PIWIL2: variants seen among roughly 807,000 people sequenced by gnomAD.
The protein encoded by PIWIL2 is piwi-like protein 2.
Under a neutral mutation model 116.5 loss-of-function variants are expected in PIWIL2, and 81 were observed. The observed-to-expected ratio is 0.70, with a 90% CI of 0.58 to 0.84. The LOEUF is 0.84. Among genes scored for constraint, PIWIL2 ranks in the 40% least tolerant of loss-of-function variants. The probability of loss-of-function intolerance (pLI) is 0.00; values close to 1 mark genes in which losing one functional copy is unlikely to be tolerated. For synonymous variants in PIWIL2, 489 were observed against 429.5 expected (o/e 1.14, Z -1.71); for missense variants, 1,272 against 1,212.3 (o/e 1.05, Z -0.73).
Position 22,315,138 on chromosome 8 carries a change from T to G in PIWIL2, c.2201T>G (p.Ile734Ser). Residue 734 changes from isoleucine (I) to serine (S), a missense_variant, in exon 18 of 23, where the codon ATT (isoleucine) becomes AGT (serine). Ile to Ser is a moderately radical substitution (Grantham distance 142). Coordinates refer to ENST00000356766, the MANE Select transcript of PIWIL2 (RefSeq NM_018068.5). Reference sequence around the variant, plus strand: ...GGTGGTGAGCTCTGGGGAGTGGATATTCCTCTGGTGAGTGATGCCGAGATG... The same window carrying G: ...GGTGGTGAGCTCTGGGGAGTGGATAGTCCTCTGGTGAGTGATGCCGAGATG... ...KLGGELWGVD[I>S]PLKQLMVIGM... is the part of the protein sequence containing the mutation. The G allele has an allele frequency of 6.5e-7, 1 of 1,539,614 alleles. No homozygotes were observed. The highest frequency in any genetic ancestry group is 9.0e-7 in the Non-Finnish European group (1 of 1,112,056).
At chr8:22,300,652 C>T (rs990276955) in intron 10 of PIWIL2, among the ~76,000 whole-genome samples, 20 of 152,204 alleles carry the variant, frequency 1.3e-4, no homozygotes, top group African/African-American at 4.8e-4. Context: ...TCCACATTCT[C>T]ACGAATACTT....
chr8:22,315,292 A>C, intron 18 of PIWIL2, 147 bp downstream of exon 18: 1 of 575,640 alleles, frequency 1.7e-6, no homozygotes, highest in Non-Finnish European at 3.2e-6. Context: ...ATTATCTAAG[A>C]ATGGGTTTTA....
chr8:22,356,831 T>C lies in PIWIL2; in HGVS notation c.*1326T>C, dbSNP rs1474651232. ...TCACATACCATGGGTTTCAGTGTTT[T>C]TGGAAACCCGTTTTTTTCTGGTTTT... is the stretch of plus-strand genomic sequence containing the variant. On this transcript the variant is annotated 3_prime_UTR_variant, in exon 23 of 23. Coordinates refer to ENST00000356766, the MANE Select transcript of PIWIL2 (RefSeq NM_018068.5). 1 of 152,186 alleles carries C rather than the reference T, an allele frequency of 6.6e-6. No homozygotes were observed. Among genetic ancestry groups the C allele is most frequent in the Non-Finnish European group, 1.5e-5 (1 of 68,042 alleles). 9.4% of individuals were successfully genotyped at this position (152,186 alleles called of 1,614,324 possible).
intron 10 of PIWIL2, among the ~76,000 whole-genome samples, chr8:22,298,398 G>A (rs1170245108): frequency 1.3e-5 from 2 of 152,294 alleles, no homozygotes; most frequent in African/African-American, 2.4e-5. Context: ...TCTATTTTAC[G>A]TAAGGAAGTA....
chr8:22,314,112 A>G (rs1831396350), intron 16 of PIWIL2, among the ~76,000 whole-genome samples: 1 of 152,198 alleles, frequency 6.6e-6, no homozygotes, highest in South Asian at 2.1e-4. Context: ...TAATAGTAAC[A>G]TATTACCTAT....
chr8:22,295,073 C>T (rs1261497173), intron 10 of PIWIL2, among the ~76,000 whole-genome samples: 5 of 151,572 alleles, frequency 3.3e-5, no homozygotes, highest in Non-Finnish European at 5.9e-5. Flanking sequence ...AGCGAGACTT[C>T]GTCTGGGGGA....
chr8:22,312,078 A>G (rs1333538517), intron 16 of PIWIL2, among the ~76,000 whole-genome samples: 1 of 151,876 alleles, frequency 6.6e-6, no homozygotes, highest in Admixed American at 6.6e-5. Context: ...AGCCTGGGCA[A>G]CCTGGCAAAA....
At position 22,287,578 on chromosome 8, in the gene PIWIL2, A is replaced by C. The variant is rs747039671; in HGVS notation, c.794A>C (p.Gln265Pro). ...SMRFGMLKDH[Q>P]AVTGNVTAFD... ...AGGTTCGGCATGTTGAAGGACCATC[A>C]AGCTGTCACCGGCAACGTCACTGCG... The change falls in exon 7 of 23, where the codon CAA (glutamine) becomes CCA (proline). Residue 265 changes from glutamine (Q) to proline (P), a missense_variant. Coordinates refer to ENST00000356766, the MANE Select transcript of PIWIL2 (RefSeq NM_018068.5). 1.9e-6 allele frequency: 3 copies of C among 1,614,024 alleles called. No individual in the cohort carries two copies. Among genetic ancestry groups the C allele is most frequent in the Non-Finnish European group, 2.5e-6 (3 of 1,179,868 alleles).
At chr8:22,351,440 C>CATTATATATAT (rs1554507096) in intron 20 of PIWIL2, among the ~76,000 whole-genome samples, 1 of 52,932 alleles carries the variant, frequency 1.9e-5, no homozygotes, top group Non-Finnish European at 3.9e-5. Context: ...TGCATACATA[C>CATTATATATAT]ATATATATAT....
intron 19 of PIWIL2, among the ~76,000 whole-genome samples, chr8:22,317,414 A>G (rs1831487197): frequency 6.6e-6 from 1 of 152,268 alleles, no homozygotes; most frequent in East Asian, 1.9e-4. Flanking sequence ...ACATATATAT[A>G]TTTGTACAAA....
In PIWIL2 at chr8:22,316,328, C is replaced by T; in HGVS notation, c.2292C>T (p.Ile764=). 1.3e-6 allele frequency: 2 copies of T among 1,598,750 alleles called. No homozygotes were observed. Among genetic ancestry groups the T allele is most frequent in the Non-Finnish European group, 1.7e-6 (2 of 1,166,036 alleles). ...CCGTGGTTGGCTTCGTGGCAAGCAT[C>T]AATCTGTAAGTACTGCTCACAGTGC... is the stretch of plus-strand genomic sequence containing the variant. ...MRSVVGFVAS[I]NLTLTKWYSR... The change falls in exon 19 of 23, where the codon ATC becomes ATT. Residue 764 remains isoleucine (I), a synonymous_variant. Transcript: ENST00000356766.
chr8:22,280,357 A>T lies in PIWIL2; in HGVS notation c.199-763A>T, dbSNP rs551677749. 2.6e-5 allele frequency among the ~76,000 whole-genome samples: 4 copies of T among 152,340 alleles called. No individual in the cohort carries two copies. In the East Asian group the frequency reaches 7.7e-4, roughly 29 times the overall value. On this transcript the variant is annotated intron_variant, in intron 2 of 22. Coordinates refer to ENST00000356766, the MANE Select transcript of PIWIL2 (RefSeq NM_018068.5). ...TTCAGTTATTGCTGCTGCTGTGTGA[A>T]CACTTAACGTGTATATGTTCTTAAA...
chr8:22,279,378 A>T lies in PIWIL2; in HGVS notation c.-9A>T. On this transcript the variant is annotated 5_prime_UTR_variant, in exon 2 of 23. Coordinates refer to ENST00000356766, the MANE Select transcript of PIWIL2 (RefSeq NM_018068.5). ...AACAGGATCGACACGTGTTCTCTACAGCCCGTCCATGGATCCTTTCCGACC... is the reference window on the plus strand; with the variant it reads ...AACAGGATCGACACGTGTTCTCTACTGCCCGTCCATGGATCCTTTCCGACC... 6.2e-7 allele frequency: 1 copy of T among 1,612,466 alleles called. No individual in the cohort carries two copies.
intron 20 of PIWIL2, among the ~76,000 whole-genome samples, chr8:22,343,292 A>G (rs1832151047): frequency 6.6e-6 from 1 of 152,034 alleles, no homozygotes; most frequent in East Asian, 1.9e-4. Flanking sequence ...TAATCCTGTA[A>G]TCCTGGTGGC....
chr8:22,276,226 A>G (rs376980160), intron 1 of PIWIL2, among the ~76,000 whole-genome samples: 4 of 152,346 alleles, frequency 2.6e-5, no homozygotes, highest in East Asian at 1.9e-4. Context: ...AACTGTCTGC[A>G]CTTACGCTGT....
chr8:22,289,987 A>G, intron 9 of PIWIL2, 60 bp downstream of exon 9: 4 of 1,115,008 alleles, frequency 3.6e-6, no homozygotes, highest in Non-Finnish European at 5.5e-6. Flanking sequence ...TTTCCATTAC[A>G]ACCATTGTAT....
intron 8 of PIWIL2, 77 bp downstream of exon 8, chr8:22,288,743 A>T: frequency 7.7e-7 from 1 of 1,301,152 alleles, no homozygotes; most frequent in Non-Finnish European, 1.1e-6. Context: ...AGATACTTGG[A>T]TGGAAATACG....
intron 20 of PIWIL2, among the ~76,000 whole-genome samples, chr8:22,345,149 A>G (rs1272740808): frequency 6.6e-6 from 1 of 152,248 alleles, no homozygotes; most frequent in African/African-American, 2.4e-5. Flanking sequence ...GTGAATAGCC[A>G]CAATACTCCA....
At chr8:22,327,094 C>A (rs1462801387) in intron 20 of PIWIL2, among the ~76,000 whole-genome samples, 1 of 132,302 alleles carries the variant, frequency 7.6e-6, no homozygotes, top group Non-Finnish European at 1.5e-5. Context: ...GTGACACGAT[C>A]TTGGCTTACT....
Sources: gnomAD v4.1 joint callset for allele counts (sites outside exome capture counted in the v4.1 genomes callset) on GRCh38, gnomAD v4.1.1 for gene constraint, MANE v1.5 for transcripts, NCBI Gene and HGNC (gene_info 2026-07-23, HGNC 2026-07-21) for gene names.